The following CAPN8 variants were observed in gnomAD, a reference collection of about 807,000 sequenced individuals.
CAPN8 encodes the protein calpain-8.
Under a neutral mutation model 80.9 loss-of-function variants are expected in CAPN8, and 87 were observed. That is an observed-to-expected ratio of 1.07 (90% CI 0.90 to 1.28). The LOEUF is 1.28. Among genes scored for constraint, CAPN8 ranks in the 50% most tolerant of loss-of-function variants. The pLI, the probability that CAPN8 is intolerant of heterozygous loss-of-function variation, is 0.00. For missense variants in CAPN8, 757 were observed against 702.0 expected (o/e 1.08, Z -0.89); for synonymous variants, 299 against 273.8 (o/e 1.09, Z -0.91).
At chr1:223,632,546 T>A (rs1426532837) in intron 2 of CAPN8, among the ~76,000 whole-genome samples, 1 of 151,982 alleles carries the variant, frequency 6.6e-6, no homozygotes, top group Non-Finnish European at 1.5e-5. Flanking sequence ...CTATTTTTTT[T>A]AAATACAGAG....
chr1:223,544,278 TGTG>T (rs1656556624), intron 18 of CAPN8, 95 bp from the exon 19 acceptor site: 1 of 671,696 alleles, frequency 1.5e-6, no homozygotes, highest in Non-Finnish European at 2.7e-6. Flanking sequence ...GGGGCCCCTC[TGTG>T]GTTCTGTATC....
At chr1:223,620,138 C>A in intron 8 of CAPN8, 54 bp downstream of exon 8, 1 of 1,464,200 alleles carries the variant, frequency 6.8e-7, no homozygotes, top group Non-Finnish European at 9.4e-7. Context: ...CACATCAGAA[C>A]TGAAAATGGA....
At position 223,554,479 on chromosome 1, in the gene CAPN8, G is replaced by C. The variant is rs1247729688; in HGVS notation, c.1573-579C>G. 5.9e-5 allele frequency among the ~76,000 whole-genome samples: 9 copies of C among 152,214 alleles called. No homozygotes were observed. In the South Asian group the frequency reaches 6.2e-4, roughly 11 times the overall value. ...TACAAAAAATACAAAAATTAGCTGG[G>C]TGTAGTGGTGCACGCCTGTAGTCCC... On this transcript the variant is annotated intron_variant, in intron 13 of 20. Coordinates refer to ENST00000366872, the MANE Select transcript of CAPN8 (RefSeq NM_001143962.2).
intron 18 of CAPN8, 192 bp from the exon 19 acceptor site, chr1:223,544,375 C>T (rs1558334297): frequency 3.4e-6 from 2 of 594,360 alleles, no homozygotes; most frequent in East Asian, 5.6e-5. Context: ...TGTAGCTACT[C>T]CTCACCAAGA....
At chr1:223,643,185 G>A (rs1159934254) in intron 2 of CAPN8, among the ~76,000 whole-genome samples, 1 of 152,214 alleles carries the variant, frequency 6.6e-6, no homozygotes, top group Non-Finnish European at 1.5e-5. Context: ...TCCAGCCATG[G>A]CTGAAATACA....
At chr1:223,544,903 A>G in intron 17 of CAPN8, 53 bp from the exon 18 acceptor site, 1 of 1,550,380 alleles carries the variant, frequency 6.5e-7, no homozygotes, top group Non-Finnish European at 8.7e-7. Context: ...GGCCCCTGCC[A>G]GAACCATCTC....
At chr1:223,555,129 C>T (rs1002015247) in intron 13 of CAPN8, among the ~76,000 whole-genome samples, 2 of 152,368 alleles carry the variant, frequency 1.3e-5, no homozygotes, top group African/African-American at 4.8e-5. Flanking sequence ...TACTACCTGT[C>T]AGGTACTTTG....
chr1:223,629,541 C>A (rs955533812), intron 2 of CAPN8, among the ~76,000 whole-genome samples: 3 of 152,220 alleles, frequency 2.0e-5, no homozygotes, highest in African/African-American at 4.8e-5. Flanking sequence ...CTGAGTGGCA[C>A]TTCCCTGGGA....
chr1:223,644,706 A>C (rs980324524), intron 2 of CAPN8, among the ~76,000 whole-genome samples: 2 of 152,186 alleles, frequency 1.3e-5, no homozygotes, highest in African/African-American at 2.4e-5. Flanking sequence ...CGGCTCCTGC[A>C]TGGCAACATC....
chr1:223,654,991 G>A (rs771430095), intron 1 of CAPN8, among the ~76,000 whole-genome samples: 18 of 151,932 alleles, frequency 1.2e-4, no homozygotes, highest in Non-Finnish European at 1.8e-4. Context: ...ACCTGGACAG[G>A]ACTAGTGTTT....
At chr1:223,557,914 C>A (rs1656942320) in intron 13 of CAPN8, among the ~76,000 whole-genome samples, 1 of 152,198 alleles carries the variant, frequency 6.6e-6, no homozygotes, top group Non-Finnish European at 1.5e-5. Context: ...ATGGCTAAGA[C>A]CTCCCCCAGG....
chr1:223,653,991 G>A (rs1457640604), intron 2 of CAPN8, among the ~76,000 whole-genome samples: 2 of 152,160 alleles, frequency 1.3e-5, no homozygotes, highest in African/African-American at 4.8e-5. Context: ...GACAAATTAT[G>A]TCTACTTAAA....
chr1:223,653,673 C>G (rs1451269227), intron 2 of CAPN8, among the ~76,000 whole-genome samples: 1 of 152,110 alleles, frequency 6.6e-6, no homozygotes, highest in African/African-American at 2.4e-5. Context: ...CGCAGAAACT[C>G]CCATCTGTGA....
chr1:223,624,199 C>G (rs115585340), intron 6 of CAPN8, among the ~76,000 whole-genome samples: 3,614 of 152,256 alleles, frequency 0.024, 75 homozygotes, highest in East Asian at 0.052. Context: ...ACCTCAGCCT[C>G]CCGAGTAGCT....
chr1:223,616,417 G>A (rs1221621027), intron 9 of CAPN8, among the ~76,000 whole-genome samples: 1 of 152,194 alleles, frequency 6.6e-6, no homozygotes, highest in Non-Finnish European at 1.5e-5. Context: ...GTGCTTGACT[G>A]GGAATATTCA....
chr1:223,616,442 G>A lies in CAPN8; in HGVS notation c.1136-297C>T, dbSNP rs74862134. On this transcript the variant is annotated intron_variant, in intron 9 of 20. Coordinates refer to ENST00000366872, the MANE Select transcript of CAPN8 (RefSeq NM_001143962.2). ...GGGAATATTCAGGATCCCATGATCCGAGGGCTACACTGGGCAGCACTGCCT... is the reference window on the plus strand; with the variant it reads ...GGGAATATTCAGGATCCCATGATCCAAGGGCTACACTGGGCAGCACTGCCT... Among the ~76,000 whole-genome samples the A allele has an allele frequency of 2.5e-4, 38 of 152,312 alleles. No homozygotes were observed. In the East Asian group the frequency reaches 4.2e-3, roughly 17 times the overall value.
chr1:223,640,611 A>G (rs978503083), intron 2 of CAPN8, among the ~76,000 whole-genome samples: 2 of 152,134 alleles, frequency 1.3e-5, no homozygotes, highest in African/African-American at 2.4e-5. Context: ...TTGCTTCCCA[A>G]GTGCTTTTGA....
intron 2 of CAPN8, among the ~76,000 whole-genome samples, chr1:223,642,444 C>T (rs1368470887): frequency 6.6e-6 from 1 of 152,206 alleles, no homozygotes; most frequent in Non-Finnish European, 1.5e-5. Flanking sequence ...TCCTGGTTCC[C>T]ATGACGACCC....
chr1:223,651,482 C>T (rs1297162887), intron 2 of CAPN8, among the ~76,000 whole-genome samples: 1 of 152,160 alleles, frequency 6.6e-6, no homozygotes, highest in Non-Finnish European at 1.5e-5. Flanking sequence ...TCTAAGTAAG[C>T]ATAAGCTCTG....
Sources: gnomAD v4.1 joint callset for allele counts (sites outside exome capture counted in the v4.1 genomes callset) on GRCh38, gnomAD v4.1.1 for gene constraint, MANE v1.5 for transcripts, NCBI Gene and HGNC (gene_info 2026-07-23, HGNC 2026-07-21) for gene names.